The following SYN3 variants were observed in gnomAD, a reference collection of about 807,000 sequenced individuals.
The protein encoded by SYN3 is synapsin III.
SYN3 carries 35 observed loss-of-function variants against 65.8 expected under a neutral mutation model. That is an observed-to-expected ratio of 0.53 (90% CI 0.41 to 0.70). SYN3 has a LOEUF of 0.70. Ranked by LOEUF, SYN3 falls within the 30% of genes least tolerant of loss-of-function variation. The pLI is 0.00. For missense variants in SYN3, 680 were observed against 749.0 expected (o/e 0.91, Z 1.08); for synonymous variants, 270 against 292.9 (o/e 0.92, Z 0.80).
intron 1 of SYN3, among the ~76,000 whole-genome samples, chr22:33,053,581 C>T (rs7285055): frequency 0.08 from 12,127 of 152,206 alleles, 1,451 homozygotes; most frequent in African/African-American, 0.26. Context: ...AACATAGACT[C>T]TCTTGATGAG....
chr22:32,753,423 T>A (rs977874652), intron 6 of SYN3, among the ~76,000 whole-genome samples: 6 of 152,104 alleles, frequency 3.9e-5, no homozygotes, highest in African/African-American at 1.4e-4. Flanking sequence ...CCCATGACGA[T>A]GACGCATAGG....
At chr22:33,000,991 C>A (rs1010629259) in intron 2 of SYN3, among the ~76,000 whole-genome samples, 2 of 151,858 alleles carry the variant, frequency 1.3e-5, no homozygotes, top group Non-Finnish European at 2.9e-5. Flanking sequence ...GAAAGTGTTG[C>A]GATTCAGAGA....
At chr22:32,956,648 G>A (rs1010292309) in intron 3 of SYN3, among the ~76,000 whole-genome samples, 4 of 152,072 alleles carry the variant, frequency 2.6e-5, no homozygotes, top group African/African-American at 9.7e-5. Context: ...CTATTGTTTG[G>A]ACATAGCACA....
intron 6 of SYN3, among the ~76,000 whole-genome samples, chr22:32,779,433 C>T (rs2045981087): frequency 6.6e-6 from 1 of 152,214 alleles, no homozygotes; most frequent in Non-Finnish European, 1.5e-5. Context: ...GCACTCCAGC[C>T]TGGGCAACAG....
chr22:32,999,528 C>T (rs1162066185), intron 2 of SYN3, among the ~76,000 whole-genome samples: 1 of 152,048 alleles, frequency 6.6e-6, no homozygotes, highest in Non-Finnish European at 1.5e-5. Flanking sequence ...ACTAAAAATA[C>T]AAAAATTAGC....
intron 6 of SYN3, among the ~76,000 whole-genome samples, chr22:32,662,901 G>C (rs1211485170): frequency 2.0e-5 from 3 of 152,180 alleles, no homozygotes; most frequent in African/African-American, 7.2e-5. Context: ...CCATTTTACA[G>C]ATGAGGAAGA....
At chr22:32,606,756 A>C (rs1055093192) in intron 6 of SYN3, among the ~76,000 whole-genome samples, 3 of 152,114 alleles carry the variant, frequency 2.0e-5, no homozygotes, top group Admixed American at 6.6e-5. Flanking sequence ...TATTGCCTGC[A>C]GCGAAGTCCC....
At chr22:32,778,274 G>A (rs567921487) in intron 6 of SYN3, among the ~76,000 whole-genome samples, 4 of 147,466 alleles carry the variant, frequency 2.7e-5, no homozygotes, top group Non-Finnish European at 4.5e-5. Context: ...ACAGGAAAAG[G>A]TGTTCTGTGA....
intron 2 of SYN3, among the ~76,000 whole-genome samples, chr22:32,999,837 T>A (rs2053006457): frequency 6.6e-6 from 1 of 151,832 alleles, no homozygotes; most frequent in Admixed American, 6.6e-5. Context: ...ACGAGATGCA[T>A]GGGGAGGGGG....
At position 32,864,934 on chromosome 22, in the gene SYN3, A is replaced by T; in HGVS notation, c.692T>A (p.Phe231Tyr). The change falls in exon 6 of 14, where the codon TTC (phenylalanine) becomes TAC (tyrosine). Residue 231 changes from phenylalanine to tyrosine, a missense_variant. Phe to Tyr is a conservative substitution (Grantham distance 22). Coordinates refer to ENST00000358763, the MANE Select transcript of SYN3 (RefSeq NM_003490.4). Reference sequence around the variant, plus strand: ...ACTCACCATTGGCTTATGGTTGGGGAAAAATGTTTGCTCCACAAGCGGGAA... The same window carrying T: ...ACTCACCATTGGCTTATGGTTGGGGTAAAATGTTTGCTCCACAAGCGGGAA... ...EKFPLVEQTF[F>Y]PNHKPMVTAP... 1 of 1,613,548 alleles carries T rather than the reference A, an allele frequency of 6.2e-7. No homozygotes were observed. The highest frequency in any genetic ancestry group is 8.5e-7 in the Non-Finnish European group (1 of 1,179,518).
chr22:32,589,217 C>T (rs974752790), intron 7 of SYN3, among the ~76,000 whole-genome samples: 1 of 152,208 alleles, frequency 6.6e-6, no homozygotes, highest in Non-Finnish European at 1.5e-5. Context: ...AAGCCAAGAA[C>T]CTTCCCAGGC....
At chr22:32,865,914 A>G (rs940006678) in intron 5 of SYN3, among the ~76,000 whole-genome samples, 1 of 152,150 alleles carries the variant, frequency 6.6e-6, no homozygotes. Flanking sequence ...AGCAGACGAC[A>G]TAAGAGAAGG....
intron 7 of SYN3, among the ~76,000 whole-genome samples, chr22:32,560,640 C>T (rs1463636731): frequency 6.6e-6 from 1 of 152,036 alleles, no homozygotes; most frequent in Non-Finnish European, 1.5e-5. Flanking sequence ...AGGTGGGCTG[C>T]AGGTCAGAAA....
intron 12 of SYN3, among the ~76,000 whole-genome samples, chr22:32,523,674 AC>A (rs1019064816): frequency 2.0e-5 from 3 of 152,204 alleles, no homozygotes; most frequent in African/African-American, 7.2e-5. Context: ...CCAGTTAAGA[AC>A]CCAATAATGG....
chr22:32,736,830 T>C (rs1453851322), intron 6 of SYN3, among the ~76,000 whole-genome samples: 1 of 152,140 alleles, frequency 6.6e-6, no homozygotes, highest in Non-Finnish European at 1.5e-5. Flanking sequence ...TCATGTGACT[T>C]CCTTTAAAAC....
At chr22:32,565,528 A>T (rs1601647299) in intron 7 of SYN3, among the ~76,000 whole-genome samples, 3 of 149,794 alleles carry the variant, frequency 2.0e-5, no homozygotes, top group East Asian at 3.9e-4. Flanking sequence ...ATATATAAGT[A>T]TATATAGGAG....
intron 6 of SYN3, among the ~76,000 whole-genome samples, chr22:32,780,456 T>G (rs2046013842): frequency 6.6e-6 from 1 of 152,162 alleles, no homozygotes. Context: ...TTTTCGCATC[T>G]CTGCAGCCCT....
intron 3 of SYN3, among the ~76,000 whole-genome samples, chr22:32,969,670 C>T (rs1198305357): frequency 6.6e-6 from 1 of 152,202 alleles, no homozygotes; most frequent in African/African-American, 2.4e-5. Context: ...TGCTAAGTCA[C>T]TTCCCCTCTC....
chr22:32,846,494 G>A (rs928968536), intron 6 of SYN3, among the ~76,000 whole-genome samples: 3 of 152,310 alleles, frequency 2.0e-5, no homozygotes, highest in East Asian at 1.9e-4. Flanking sequence ...AAACACATGA[G>A]GTTTGGGATG....
Sources: gnomAD v4.1 joint callset for allele counts (sites outside exome capture counted in the v4.1 genomes callset) on GRCh38, gnomAD v4.1.1 for gene constraint, MANE v1.5 for transcripts, NCBI Gene and HGNC (gene_info 2026-07-23, HGNC 2026-07-21) for gene names.